Variants in KLKB1 observed in about 807,000 individuals in gnomAD.
KLKB1 encodes kallikrein B1.
Under a neutral mutation model 73.6 loss-of-function variants are expected in KLKB1, and 58 were observed. The ratio of observed to expected loss-of-function variants is 0.79; its 90% CI spans 0.64 to 0.98. KLKB1 has a LOEUF of 0.98. KLKB1 is among the 50% of genes least tolerant of loss of function. KLKB1 has a pLI of 0.00. For synonymous variants in KLKB1, 280 were observed against 258.1 expected (o/e 1.08, Z -0.81); for missense variants, 737 against 763.8 (o/e 0.96, Z 0.41).
intron 6 of KLKB1, among the ~76,000 whole-genome samples, chr4:186,239,471 GT>G: frequency 7.6e-6 from 1 of 131,654 alleles, no homozygotes; most frequent in East Asian, 2.2e-4. Context: ...TATTGTTATA[GT>G]TATAGGAAAC....
rs758430635 is a variant in KLKB1, at chr4:186,254,758, A to T, written c.1484A>T (p.Tyr495Phe). 1 of 1,612,012 alleles carries T rather than the reference A, an allele frequency of 6.2e-7. No individual in the cohort carries two copies. Among genetic ancestry groups the T allele is most frequent in the Admixed American group, 1.7e-5 (1 of 60,014 alleles). ...ALIKLQAPLN[Y>F]TEFQKPICLP... is the part of the protein sequence containing the mutation. ...ATAAAACTCCAGGCTCCTTTGAATT[A>T]CACTGGTATGTAGCATATGTAAGAA... is the stretch of plus-strand genomic sequence containing the variant. The change falls in exon 12 of 15, where the codon TAC becomes TTC. Residue 495 changes from tyrosine (Y) to phenylalanine (F), a missense_variant. Coordinates refer to ENST00000264690, the MANE Select transcript of KLKB1 (RefSeq NM_000892.5).
intron 2 of KLKB1, among the ~76,000 whole-genome samples, chr4:186,219,508 T>C (rs1736985879): frequency 6.6e-6 from 1 of 152,126 alleles, no homozygotes; most frequent in Non-Finnish European, 1.5e-5. Flanking sequence ...TGTCACATGA[T>C]AAAGGAAAAA....
In KLKB1 at chr4:186,254,030, A is replaced by G. The variant is rs373266996; in HGVS notation, c.1314-558A>G. On this transcript the variant is annotated intron_variant, in intron 11 of 14. Transcript: ENST00000264690. ...GTATTTTTAGTAGAGACGAGGTTTC[A>G]TCATGTTGGTCAGGCTGGTCTCGAA... is the stretch of plus-strand genomic sequence containing the variant. 3.1e-3 allele frequency among the ~76,000 whole-genome samples: 477 copies of G among 152,178 alleles called. 1 individual carries two copies. The highest frequency in any genetic ancestry group is 0.011 in the African/African-American group (448 of 41,528).
At chr4:186,232,026 T>C in intron 2 of KLKB1, 101 bp from the exon 3 acceptor site, 1 of 894,458 alleles carries the variant, frequency 1.1e-6, no homozygotes, top group South Asian at 1.8e-5. Flanking sequence ...TATACAGGTC[T>C]TTGAGTAGTC....
At chr4:186,245,709 T>G (rs1738292794) in intron 6 of KLKB1, among the ~76,000 whole-genome samples, 1 of 152,048 alleles carries the variant, frequency 6.6e-6, no homozygotes, top group African/African-American at 2.4e-5. Flanking sequence ...CAGAAATACA[T>G]TGCTACTTGG....
chr4:186,215,653 A>C (rs928205678), intron 2 of KLKB1, among the ~76,000 whole-genome samples: 1 of 152,048 alleles, frequency 6.6e-6, no homozygotes, highest in Non-Finnish European at 1.5e-5. Flanking sequence ...GGCTCACTGC[A>C]ACCTTCACCT....
chr4:186,234,096 T>C (rs1283104739), intron 4 of KLKB1, 38 bp downstream of exon 4: 1 of 1,462,592 alleles, frequency 6.8e-7, no homozygotes, highest in African/African-American at 1.4e-5. Context: ...TGAGTTAATA[T>C]TGGATCTCGC....
chr4:186,242,627 A>G (rs1359039463), intron 6 of KLKB1, among the ~76,000 whole-genome samples: 2 of 152,202 alleles, frequency 1.3e-5, no homozygotes, highest in Non-Finnish European at 2.9e-5. Flanking sequence ...GGTCTGAATA[A>G]GAGAAGGAGA....
chr4:186,237,732 G>A (rs900672007), intron 5 of KLKB1, among the ~76,000 whole-genome samples: 10 of 152,052 alleles, frequency 6.6e-5, no homozygotes, highest in Non-Finnish European at 1.0e-4. Context: ...GTATTTTACA[G>A]TGGTAAAGTC....
At chr4:186,224,068 G>T (rs4862669), upstream of KLKB1, among the ~76,000 whole-genome samples, 1 of 152,114 alleles carries the variant, frequency 6.6e-6, no homozygotes, top group African/African-American at 2.4e-5. Context: ...CCCAAGCCTT[G>T]GTGGCTTCCA....
At chr4:186,215,760 A>T (rs1736886610) in intron 2 of KLKB1, among the ~76,000 whole-genome samples, 1 of 151,986 alleles carries the variant, frequency 6.6e-6, no homozygotes. Context: ...TTTTTCTTGT[A>T]CAGTTGGGGT....
At chr4:186,245,641 G>T (rs1738289446) in intron 6 of KLKB1, among the ~76,000 whole-genome samples, 1 of 152,058 alleles carries the variant, frequency 6.6e-6, no homozygotes, top group Non-Finnish European at 1.5e-5. Context: ...TGAAGTTTTT[G>T]TGTGTGCTGG....
chr4:186,234,066 G>A lies in KLKB1; in HGVS notation c.328+8G>A, dbSNP rs771163482. 9 of 1,594,090 alleles carry A rather than the reference G, an allele frequency of 5.6e-6. No individual in the cohort carries two copies. In the East Asian group the frequency reaches 2.0e-4, roughly 36 times the overall value. On this transcript the variant is annotated splice_region_variant and intron_variant, in intron 4 of 14. Transcript: ENST00000264690. ...GTGGTCATCAAATAAGTGGTAAGTT[G>A]TGAATTTCTTAGCTACATTTGAGTT...
chr4:186,227,332 C>T (rs923535616), upstream of KLKB1: 1 of 152,202 alleles, frequency 6.6e-6, no homozygotes, highest in Non-Finnish European at 1.5e-5. Flanking sequence ...GCTAGAAACT[C>T]CTGTTCTGAC....
chr4:186,239,042 A>G (rs1580005830), intron 6 of KLKB1, among the ~76,000 whole-genome samples: 1 of 134,922 alleles, frequency 7.4e-6, no homozygotes, highest in East Asian at 2.2e-4. Flanking sequence ...TGTTAGAGTT[A>G]TAGGTACAGT....
chr4:186,223,206 A>T (rs549032171), upstream of KLKB1, among the ~76,000 whole-genome samples: 8 of 152,308 alleles, frequency 5.3e-5, no homozygotes, highest in African/African-American at 1.9e-4. Flanking sequence ...GTCTCAGGTG[A>T]TATCTTTTAG....
chr4:186,251,138 G>T, intron 7 of KLKB1, 81 bp from the exon 8 acceptor site: 1 of 884,080 alleles, frequency 1.1e-6, no homozygotes, highest in Non-Finnish European at 1.9e-6. Flanking sequence ...TGCTTTTTGG[G>T]TGTGAGCTGC....
chr4:186,256,394 G>A (rs1466277533), intron 13 of KLKB1, among the ~76,000 whole-genome samples: 1 of 152,190 alleles, frequency 6.6e-6, no homozygotes, highest in Non-Finnish European at 1.5e-5. Context: ...GCTCCTCAGT[G>A]TTAGTAGCGT....
Position 186,257,244 on chromosome 4 carries a change from T to C in KLKB1, c.1604T>C (p.Leu535Pro). 6.3e-7 allele frequency: 1 copy of C among 1,592,170 alleles called. No homozygotes were observed. Among genetic ancestry groups the C allele is most frequent in the East Asian group, 2.3e-5 (1 of 44,210 alleles). The change falls in exon 14 of 15, where the codon CTA becomes CCA. Residue 535 changes from leucine to proline, a missense_variant. Physicochemically the swap from Leu to Pro is moderately conservative, Grantham distance 98 (BLOSUM62 -3). Transcript: ENST00000264690. ...SKEKGEIQNILQKVNIPLVTN... is the reference protein window; with the variant it reads ...SKEKGEIQNIPQKVNIPLVTN... ...CTCACAGGTGAAATCCAAAATATTC[T>C]ACAAAAGGTAAATATTCCTTTGGTA...
Sources: allele counts gnomAD v4.1 joint callset (sites outside exome capture counted in the v4.1 genomes callset), GRCh38; gene constraint gnomAD v4.1.1; transcripts MANE v1.5; gene names NCBI Gene and HGNC (gene_info 2026-07-23, HGNC 2026-07-21).